Variants in ZNF146 observed in about 807,000 individuals in gnomAD.
ZNF146 encodes zinc finger protein 146.
ZNF146 carries 9 observed loss-of-function variants against 22.2 expected under a neutral mutation model. The ratio of observed to expected loss-of-function variants is 0.41; its 90% CI spans 0.24 to 0.71. The LOEUF is 0.71. Ranked by LOEUF, ZNF146 falls within the 30% of genes least tolerant of loss-of-function variation. The pLI is 0.34. For synonymous variants in ZNF146, 108 were observed against 119.2 expected, an observed-to-expected ratio of 0.91 and a Z score of 0.61; for missense variants, 194 against 344.8, an observed-to-expected ratio of 0.56 and a Z score of 3.46.
intron 2 of ZNF146, among the ~76,000 whole-genome samples, chr19:36,224,864 ACTT>A (rs1478977157): frequency 6.6e-6 from 1 of 152,124 alleles, no homozygotes; most frequent in Non-Finnish European, 1.5e-5. Flanking sequence ...AGGTTTGGAC[ACTT>A]CTTACTAAGT....
intron 2 of ZNF146, among the ~76,000 whole-genome samples, chr19:36,222,724 T>C (rs1183358114): frequency 6.6e-6 from 1 of 150,780 alleles, no homozygotes; most frequent in Admixed American, 6.6e-5. Context: ...GTCTTCTCCT[T>C]AGAGGAGCTG....
At chr19:36,232,206 A>T (rs1977410528) in intron 3 of ZNF146, among the ~76,000 whole-genome samples, 1 of 152,050 alleles carries the variant, frequency 6.6e-6, no homozygotes, top group Admixed American at 6.6e-5. Flanking sequence ...AAAAAAAAAA[A>T]AAAAAACATA....
Position 36,236,175 on chromosome 19 carries a change from A to T in ZNF146, c.-266A>T. 1 of 374,564 alleles carries T rather than the reference A, an allele frequency of 2.7e-6. No individual in the cohort carries two copies. The highest frequency in any genetic ancestry group is 4.8e-6 in the Non-Finnish European group (1 of 210,200). The allele number at this position is 374,564 out of a possible 1,614,324, so 23.2% of individuals were successfully genotyped here. On this transcript the variant is annotated 5_prime_UTR_variant, in exon 4 of 4. Coordinates refer to ENST00000443387, the MANE Select transcript of ZNF146 (RefSeq NM_007145.3). ...ATGACAATCTCATTGAGAAGCAGAA[A>T]ATTCATGCTGGAGAGAAACTAGTGA...
Position 36,235,765 on chromosome 19 carries a change from G to A in ZNF146, c.-676G>A, listed in dbSNP as rs994683937. ...TCTCCAGGAAAGACTGAGAAAAAGA[G>A]CGTTGAATATAAGAAAAAATACTTC... On this transcript the variant is annotated 5_prime_UTR_variant, in exon 4 of 4. Transcript: ENST00000443387. 2 of 152,208 alleles carry A rather than the reference G, an allele frequency of 1.3e-5. No individual in the cohort carries two copies. The highest frequency in any genetic ancestry group is 2.9e-5 in the Non-Finnish European group (2 of 68,058). The allele number at this position is 152,208 out of a possible 1,614,324, so 9.4% of individuals were successfully genotyped here.
chr19:36,237,499 A>C lies in ZNF146; in HGVS notation c.*180A>C, dbSNP rs2145472604. The C allele has an allele frequency of 1.5e-6, 1 of 651,526 alleles. No individual in the cohort carries two copies. The highest frequency in any genetic ancestry group is 2.5e-6 in the Non-Finnish European group (1 of 407,728). The allele number at this position is 651,526 out of a possible 1,614,324, so 40.4% of individuals were successfully genotyped here. On this transcript the variant is annotated 3_prime_UTR_variant, in exon 4 of 4. Transcript: ENST00000443387. ...AGAGAAAGACATGCATATGATTAAA[A>C]CCCTGTGTCCAACAGAGAAACCTGC...
chr19:36,231,411 G>C (rs1451888252), intron 3 of ZNF146, among the ~76,000 whole-genome samples: 1 of 152,122 alleles, frequency 6.6e-6, no homozygotes, highest in African/African-American at 2.4e-5. Flanking sequence ...TTTTCACCAT[G>C]TTGGCCAGGC....
At chr19:36,226,935 T>C (rs1245655475) in intron 2 of ZNF146, among the ~76,000 whole-genome samples, 3 of 151,438 alleles carry the variant, frequency 2.0e-5, no homozygotes, top group Non-Finnish European at 2.9e-5. Flanking sequence ...AATAAAAAAT[T>C]AGTGGGGCAT....
At chr19:36,219,150 A>G (rs1255003029) in intron 2 of ZNF146, among the ~76,000 whole-genome samples, 2 of 152,056 alleles carry the variant, frequency 1.3e-5, no homozygotes, top group Non-Finnish European at 2.9e-5. Context: ...AACTGGAATC[A>G]GGAAGTTAGG....
In ZNF146 at chr19:36,224,250, G is replaced by C. The variant is rs139852996; in HGVS notation, c.-854-4498G>C. Among the ~76,000 whole-genome samples, 54 of 152,236 alleles carry C rather than the reference G, an allele frequency of 3.5e-4. No homozygotes were observed. In the East Asian group the frequency reaches 9.1e-3, roughly 26 times the overall value. On this transcript the variant is annotated intron_variant, in intron 2 of 3. Coordinates refer to ENST00000443387, the MANE Select transcript of ZNF146 (RefSeq NM_007145.3). ...TACAAAACATTAGCTGGGTGTGGTG[G>C]CACATGCCTGAATCCCAGCTATTCG...
rs1977738964 is a variant in ZNF146 at position 36,238,722 on chromosome 19, T to A, written c.*1403T>A. ...TGAATGGATGGACTTGCTCTCTATG[T>A]AATATGAAATTAATCTATTTTATTA... On this transcript the variant is annotated 3_prime_UTR_variant, in exon 4 of 4. Coordinates refer to ENST00000443387, the MANE Select transcript of ZNF146 (RefSeq NM_007145.3). 6.0e-6 allele frequency: 1 copy of A among 167,108 alleles called. No individual in the cohort carries two copies. Among genetic ancestry groups the A allele is most frequent in the Non-Finnish European group, 1.5e-5 (1 of 68,120 alleles). The allele number at this position is 167,108 out of a possible 1,614,324, so 10.4% of individuals were successfully genotyped here.
chr19:36,217,871 G>GAGA (rs1388954181), intron 1 of ZNF146, among the ~76,000 whole-genome samples: 31 of 139,864 alleles, frequency 2.2e-4, no homozygotes, highest in East Asian at 4.2e-4. Flanking sequence ...GGCAACGAGA[G>GAGA]TGAAACTCCA....
chr19:36,217,390 A>T (rs1976656970), intron 1 of ZNF146, among the ~76,000 whole-genome samples: 1 of 151,808 alleles, frequency 6.6e-6, no homozygotes, highest in Non-Finnish European at 1.5e-5. Flanking sequence ...GAAAGAAAGG[A>T]GAGAGAGAGA....
At chr19:36,232,372 C>G (rs957560901) in intron 3 of ZNF146, among the ~76,000 whole-genome samples, 8 of 151,634 alleles carry the variant, frequency 5.3e-5, no homozygotes, top group African/African-American at 1.5e-4. Context: ...TGCCTTTTTT[C>G]CTCTTCCCTC....
At chr19:36,235,207 CAAAA>C (rs112972407) in intron 3 of ZNF146, among the ~76,000 whole-genome samples, 1 of 121,586 alleles carries the variant, frequency 8.2e-6, no homozygotes. Flanking sequence ...AATTCCGTCT[CAAAA>C]AAAAAAAAAG....
intron 3 of ZNF146, among the ~76,000 whole-genome samples, chr19:36,230,555 G>A (rs59295196): frequency 0.09 from 13,714 of 152,238 alleles, 822 homozygotes; most frequent in East Asian, 0.17. Context: ...AAGATCTGAA[G>A]AGTGCGAGAG....
At position 36,237,251 on chromosome 19, in the gene ZNF146, A is replaced by C; in HGVS notation, c.811A>C (p.Ser271Arg). 2 of 1,614,052 alleles carry C rather than the reference A, an allele frequency of 1.2e-6. No individual in the cohort carries two copies. Among genetic ancestry groups the C allele is most frequent in the Non-Finnish European group, 1.7e-6 (2 of 1,179,960 alleles). The change falls in exon 4 of 4, where the codon AGT becomes CGT. Residue 271 changes from serine to arginine, a missense_variant. Transcript: ENST00000443387. ...CACAGGTAAGAAGCCTTATCAGTGCAGTGAATGTGGGAAAGCTTTCAGCCA... is the reference window on the plus strand; with the variant it reads ...CACAGGTAAGAAGCCTTATCAGTGCCGTGAATGTGGGAAAGCTTTCAGCCA... ...IHTGKKPYQC[S>R]ECGKAFSQKS...
intron 2 of ZNF146, among the ~76,000 whole-genome samples, chr19:36,220,447 C>T (rs1044783083): frequency 1.3e-5 from 2 of 152,002 alleles, no homozygotes; most frequent in Non-Finnish European, 2.9e-5. Flanking sequence ...TCACTGCAAT[C>T]TCCGCCTCCT....
rs1312975946 is a variant in ZNF146, at chr19:36,236,223, A to G, written c.-218A>G. 2 of 511,332 alleles carry G rather than the reference A, an allele frequency of 3.9e-6. No individual in the cohort carries two copies. Among genetic ancestry groups the G allele is most frequent in the African/African-American group, 2.0e-5 (1 of 50,602 alleles). The allele number at this position is 511,332 out of a possible 1,614,324, so 31.7% of individuals were successfully genotyped here. On this transcript the variant is annotated 5_prime_UTR_variant, in exon 4 of 4. The change creates a new upstream start codon in the 5' untranslated region. Coordinates refer to ENST00000443387, the MANE Select transcript of ZNF146 (RefSeq NM_007145.3). ...TGAAGGTAGCAATACTTCATTGAATATTAGAAAATTTTTCTAGAGAGAAAG... is the reference window on the plus strand; with the variant it reads ...TGAAGGTAGCAATACTTCATTGAATGTTAGAAAATTTTTCTAGAGAGAAAG...
chr19:36,227,114 C>T (rs909663401), intron 2 of ZNF146, among the ~76,000 whole-genome samples: 5 of 141,410 alleles, frequency 3.5e-5, no homozygotes, highest in African/African-American at 1.1e-4. Context: ...TTTGGCTGGG[C>T]GCAGTGGCTC....
Sources: allele counts gnomAD v4.1 joint callset (sites outside exome capture counted in the v4.1 genomes callset), GRCh38; gene constraint gnomAD v4.1.1; transcripts MANE v1.5; gene names NCBI Gene and HGNC (gene_info 2026-07-23, HGNC 2026-07-21).